The following ZC2HC1A variants were observed in gnomAD, a reference collection of about 807,000 sequenced individuals.
ZC2HC1A encodes zinc finger C2HC-type containing 1A.
In ZC2HC1A, 28 loss-of-function variants were observed where a neutral mutation model predicts 40.7. The ratio of observed to expected loss-of-function variants is 0.69; its 90% confidence interval spans 0.51 to 0.94. ZC2HC1A has a LOEUF of 0.94. Ranked by LOEUF, ZC2HC1A falls within the 40% of genes least tolerant of loss-of-function variation. The probability of loss-of-function intolerance (pLI) is 0.00; values close to 1 mark genes in which losing one functional copy is unlikely to be tolerated. For synonymous variants in ZC2HC1A, 129 were observed against 129.2 expected, an observed-to-expected ratio of 1.00 and a Z score of 0.01; for missense variants, 389 against 386.3, an observed-to-expected ratio of 1.01 and a Z score of -0.06.
intron 2 of ZC2HC1A, 129 bp downstream of exon 2, chr8:78,675,992 C>A: frequency 1.5e-6 from 1 of 658,844 alleles, no homozygotes; most frequent in Non-Finnish European, 2.4e-6. Flanking sequence ...ATTCTTTGTT[C>A]AAGGGTCTTG....
chr8:78,701,696 CG>C (rs1307899709), intron 7 of ZC2HC1A, among the ~76,000 whole-genome samples: 1 of 152,148 alleles, frequency 6.6e-6, no homozygotes, highest in Non-Finnish European at 1.5e-5. Context: ...GAGTTTTTAA[CG>C]TGAAGGGATG....
At chr8:78,674,511 C>T (rs1379825605) in intron 1 of ZC2HC1A, among the ~76,000 whole-genome samples, 3 of 152,078 alleles carry the variant, frequency 2.0e-5, no homozygotes, top group African/African-American at 7.2e-5. Flanking sequence ...TTAAGTGATC[C>T]AGATAAATGA....
At chr8:78,686,425 C>T (rs1809972585) in intron 3 of ZC2HC1A, 42 bp from the exon 4 acceptor site, 1 of 1,162,226 alleles carries the variant, frequency 8.6e-7, no homozygotes, top group South Asian at 2.5e-5. Flanking sequence ...TAAAAAGATA[C>T]TGTTTGTTTA....
chr8:78,700,633 T>C (rs1042285315), intron 7 of ZC2HC1A, among the ~76,000 whole-genome samples: 1 of 152,170 alleles, frequency 6.6e-6, no homozygotes, highest in African/African-American at 2.4e-5. Flanking sequence ...GTTTTTATAG[T>C]TTTTGGTTTT....
chr8:78,688,275 A>G (rs1222993407), intron 4 of ZC2HC1A, among the ~76,000 whole-genome samples: 1 of 152,172 alleles, frequency 6.6e-6, no homozygotes, highest in East Asian at 1.9e-4. Context: ...CATGTCTAAT[A>G]TAAGAGAGTG....
At chr8:78,709,719 T>TAAAAAAAAAAAAA (rs762270772) in intron 7 of ZC2HC1A, among the ~76,000 whole-genome samples, 1 of 130,464 alleles carries the variant, frequency 7.7e-6, no homozygotes. Flanking sequence ...GCTGATGAAC[T>TAAAAAAAAAAAAA]AAAAAAAAAA....
chr8:78,678,741 A>G (rs1326938684), intron 3 of ZC2HC1A, 62 bp downstream of exon 3: 72 of 1,133,940 alleles, frequency 6.3e-5, no homozygotes, highest in Non-Finnish European at 8.5e-5. Flanking sequence ...AAAATATTAT[A>G]TTATCTGTTA....
intron 5 of ZC2HC1A, among the ~76,000 whole-genome samples, chr8:78,690,889 T>G (rs1248572825): frequency 3.3e-5 from 5 of 152,182 alleles, no homozygotes; most frequent in African/African-American, 1.2e-4. Flanking sequence ...TTTAGTTGTT[T>G]TTTGCTTGTT....
chr8:78,712,110 A>C, intron 7 of ZC2HC1A: 1 of 1,264,596 alleles, frequency 7.9e-7, no homozygotes. Context: ...TTTACAAGTA[A>C]GTATTTGTAA....
At chr8:78,673,743 C>A (rs145357488) in intron 1 of ZC2HC1A, among the ~76,000 whole-genome samples, 1 of 152,242 alleles carries the variant, frequency 6.6e-6, no homozygotes, top group African/African-American at 2.4e-5. Flanking sequence ...CATATTTTGT[C>A]AATTATAGTG....
At chr8:78,688,015 T>A (rs1810082084) in intron 4 of ZC2HC1A, among the ~76,000 whole-genome samples, 1 of 148,304 alleles carries the variant, frequency 6.7e-6, no homozygotes. Flanking sequence ...TGAGCATGGC[T>A]GTGTTTCCGT....
intron 8 of ZC2HC1A, 150 bp downstream of exon 8, chr8:78,715,478 G>A: frequency 4.7e-6 from 3 of 641,598 alleles, no homozygotes; most frequent in Non-Finnish European, 7.4e-6. Context: ...CACCTCTAAT[G>A]GATTTGGGCA....
intron 1 of ZC2HC1A, among the ~76,000 whole-genome samples, chr8:78,669,116 C>G (rs1488963702): frequency 6.6e-6 from 1 of 152,010 alleles, no homozygotes; most frequent in Non-Finnish European, 1.5e-5. Context: ...TAAATGTATA[C>G]TAGTTTACTG....
chr8:78,678,648 A>G lies in ZC2HC1A; in HGVS notation c.179A>G (p.Asp60Gly), dbSNP rs1202733283. 2 of 1,611,584 alleles carry G rather than the reference A, an allele frequency of 1.2e-6. No homozygotes were observed. Among genetic ancestry groups the G allele is most frequent in the East Asian group, 2.2e-5 (1 of 44,760 alleles). ...DSSRQRAEGT[D>G]IPTVKPLKPR... ...AGCAGACAGAGAGCTGAAGGAACTGATATTCCAACAGTAAAACCTCTCAAA... is the reference window on the plus strand; with the variant it reads ...AGCAGACAGAGAGCTGAAGGAACTGGTATTCCAACAGTAAAACCTCTCAAA... Residue 60 changes from aspartate to glycine, a missense_variant, in exon 3 of 9, where the codon GAT becomes GGT. By Grantham distance (94) the Asp-to-Gly change is moderately conservative. Coordinates refer to ENST00000263849, the MANE Select transcript of ZC2HC1A (RefSeq NM_016010.3).
At chr8:78,677,417 A>G (rs1809615446) in intron 2 of ZC2HC1A, among the ~76,000 whole-genome samples, 1 of 152,154 alleles carries the variant, frequency 6.6e-6, no homozygotes, top group African/African-American at 2.4e-5. Context: ...TTAGGCGAAG[A>G]AAACTGCAAA....
intron 4 of ZC2HC1A, among the ~76,000 whole-genome samples, chr8:78,688,157 C>T (rs1031318360): frequency 6.6e-6 from 1 of 151,514 alleles, no homozygotes; most frequent in East Asian, 1.9e-4. Context: ...TTTAACTGAT[C>T]CTGGGCCTCT....
intron 7 of ZC2HC1A, among the ~76,000 whole-genome samples, chr8:78,706,118 C>T (rs1810764175): frequency 1.3e-5 from 2 of 152,084 alleles, no homozygotes. Flanking sequence ...ACAGCTGAGT[C>T]ACCCAAACAG....
rs183792175 is a variant in ZC2HC1A at position 78,704,063 on chromosome 8, A to G, written c.704+5550A>G. ...ATGAAGCTTAGTTTGGCCTGATATG[A>G]AATTTTGAGTTGGAATTTCTTTTCT... On this transcript the variant is annotated intron_variant, in intron 7 of 8. Coordinates refer to ENST00000263849, the MANE Select transcript of ZC2HC1A (RefSeq NM_016010.3). Among the ~76,000 whole-genome samples the G allele has an allele frequency of 2.4e-3, 360 of 152,254 alleles. 2 individuals carry two copies. Among genetic ancestry groups the G allele is most frequent in the African/African-American group, 8.1e-3 (338 of 41,546 alleles).
intron 7 of ZC2HC1A, among the ~76,000 whole-genome samples, chr8:78,711,700 TTG>T (rs1810955535): frequency 6.6e-6 from 1 of 152,116 alleles, no homozygotes; most frequent in Non-Finnish European, 1.5e-5. Flanking sequence ...TTTGAAATAG[TTG>T]TTCTTCCTAA....
Sources: gnomAD v4.1 joint callset for allele counts (sites outside exome capture counted in the v4.1 genomes callset) on GRCh38, gnomAD v4.1.1 for gene constraint, MANE v1.5 for transcripts, NCBI Gene and HGNC (gene_info 2026-07-23, HGNC 2026-07-21) for gene names.